Variants in ACMSD observed in about 807,000 individuals in gnomAD.
ACMSD encodes the protein 2-amino-3-carboxymuconate-6-semialdehyde decarboxylase.
Under a neutral mutation model 45.9 loss-of-function variants are expected in ACMSD, and 37 were observed. The ratio of observed to expected loss-of-function variants is 0.81; its 90% CI spans 0.62 to 1.06. The LOEUF (loss-of-function observed/expected upper bound fraction) is 1.06. Among genes scored for constraint, ACMSD ranks in the 50% least tolerant of loss-of-function variants. The probability of loss-of-function intolerance (pLI) is 0.00; values close to 1 mark genes in which losing one functional copy is unlikely to be tolerated. For missense variants in ACMSD, 434 were observed against 420.9 expected, an observed-to-expected ratio of 1.03 and a Z score of -0.27; for synonymous variants, 138 against 148.8, an observed-to-expected ratio of 0.93 and a Z score of 0.53.
intron 3 of ACMSD, among the ~76,000 whole-genome samples, chr2:134,859,929 A>G (rs1687769270): frequency 6.6e-6 from 1 of 152,246 alleles, no homozygotes; most frequent in Non-Finnish European, 1.5e-5. Context: ...CTAAAAAGCT[A>G]TAAGAACATC....
chr2:134,850,998 T>C (rs1422636611), intron 2 of ACMSD, among the ~76,000 whole-genome samples: 1 of 152,214 alleles, frequency 6.6e-6, no homozygotes, highest in East Asian at 1.9e-4. Flanking sequence ...CATCCTTATA[T>C]CCATGTAAAC....
intron 7 of ACMSD, among the ~76,000 whole-genome samples, chr2:134,871,645 C>T (rs567950321): frequency 2.7e-5 from 4 of 149,826 alleles, no homozygotes; most frequent in Admixed American, 6.7e-5. Context: ...CTGCCTGGTC[C>T]CCATAGGTAG....
intron 6 of ACMSD, 71 bp downstream of exon 6, chr2:134,867,743 T>C (rs1688175673): frequency 4.8e-6 from 6 of 1,239,436 alleles, no homozygotes; most frequent in Non-Finnish European, 5.9e-6. Flanking sequence ...TGGAAACCTA[T>C]TATGTCAAAT....
chr2:134,852,259 G>C (rs975781930), intron 2 of ACMSD, among the ~76,000 whole-genome samples: 1 of 152,160 alleles, frequency 6.6e-6, no homozygotes, highest in African/African-American at 2.4e-5. Flanking sequence ...GTGGGGCAGT[G>C]GCAAGATCTG....
At chr2:134,844,346 T>C (rs897499567) in intron 1 of ACMSD, 5 of 152,206 alleles carry the variant, frequency 3.3e-5, no homozygotes, top group Non-Finnish European at 4.4e-5. Flanking sequence ...TTTACTCTCT[T>C]ATGTTTTCCA....
At chr2:134,880,476 T>C (rs1688977665) in intron 8 of ACMSD, among the ~76,000 whole-genome samples, 1 of 152,222 alleles carries the variant, frequency 6.6e-6, no homozygotes, top group Non-Finnish European at 1.5e-5. Context: ...CTGTCTTACA[T>C]ACCACCTCTT....
intron 8 of ACMSD, among the ~76,000 whole-genome samples, chr2:134,880,282 C>A (rs2104910473): frequency 6.6e-6 from 1 of 152,206 alleles, no homozygotes; most frequent in Middle Eastern, 3.4e-3. Flanking sequence ...CTAAGGATTT[C>A]TTTTTGTCCT....
chr2:134,883,114 T>A (rs1182024089), intron 8 of ACMSD, among the ~76,000 whole-genome samples: 1 of 152,188 alleles, frequency 6.6e-6, no homozygotes, highest in Admixed American at 6.5e-5. Flanking sequence ...AAAATGTCCA[T>A]CATTAGAATT....
At chr2:134,865,276 C>G (rs1175830317) in intron 5 of ACMSD, among the ~76,000 whole-genome samples, 1 of 152,222 alleles carries the variant, frequency 6.6e-6, no homozygotes, top group Non-Finnish European at 1.5e-5. Flanking sequence ...TTAGCTGATG[C>G]AGTGAATGTT....
At chr2:134,844,301 G>A (rs1360232923) in intron 1 of ACMSD, 1 of 152,132 alleles carries the variant, frequency 6.6e-6, no homozygotes. Context: ...TAATACACGG[G>A]AGACATTCTA....
intron 9 of ACMSD, among the ~76,000 whole-genome samples, chr2:134,899,606 C>A (rs1248550244): frequency 6.6e-6 from 1 of 151,888 alleles, no homozygotes; most frequent in Admixed American, 6.6e-5. Context: ...TTATTACATG[C>A]CTTTTATTGT....
At chr2:134,889,088 C>CCT (rs1289478889) in intron 8 of ACMSD, among the ~76,000 whole-genome samples, 1 of 152,096 alleles carries the variant, frequency 6.6e-6, no homozygotes, top group Non-Finnish European at 1.5e-5. Context: ...ACTTCATGTG[C>CCT]ATTCTAGGCT....
At chr2:134,852,147 G>A (rs987836678) in intron 2 of ACMSD, among the ~76,000 whole-genome samples, 1 of 152,226 alleles carries the variant, frequency 6.6e-6, no homozygotes, top group Non-Finnish European at 1.5e-5. Context: ...GGAAGTAACA[G>A]AGGTAGGCAG....
chr2:134,849,469 A>G (rs1687228724), intron 2 of ACMSD, among the ~76,000 whole-genome samples: 1 of 152,244 alleles, frequency 6.6e-6, no homozygotes, highest in African/African-American at 2.4e-5. Context: ...CAATTATGCA[A>G]AATAGGCTGG....
At chr2:134,881,416 C>T (rs1689031096) in intron 8 of ACMSD, among the ~76,000 whole-genome samples, 2 of 152,126 alleles carry the variant, frequency 1.3e-5, no homozygotes, top group African/African-American at 2.4e-5. Context: ...TCAGTTTTTA[C>T]AACAATAAGC....
chr2:134,890,949 T>C (rs557053238), intron 8 of ACMSD, among the ~76,000 whole-genome samples: 5 of 152,014 alleles, frequency 3.3e-5, no homozygotes, highest in Admixed American at 2.0e-4. Flanking sequence ...TAACTATTCA[T>C]GTTCTTTGCT....
chr2:134,897,582 T>G (rs557114916), intron 8 of ACMSD, among the ~76,000 whole-genome samples: 8 of 152,254 alleles, frequency 5.3e-5, no homozygotes, highest in Non-Finnish European at 1.5e-5. Context: ...ATTTTTATTT[T>G]ATTTTACTTT....
At chr2:134,859,659 T>C (rs1473946481) in intron 3 of ACMSD, 1 of 203,104 alleles carries the variant, frequency 4.9e-6, no homozygotes, top group Non-Finnish European at 9.8e-6. Flanking sequence ...TTACTTATTA[T>C]AAAATCAATT....
intron 1 of ACMSD, among the ~76,000 whole-genome samples, chr2:134,839,074 A>T (rs943152802): frequency 6.6e-6 from 1 of 152,222 alleles, no homozygotes; most frequent in Non-Finnish European, 1.5e-5. Flanking sequence ...CAACTACAGA[A>T]TTTAAAGTTA....
Sources: gnomAD v4.1 joint callset for allele counts (sites outside exome capture counted in the v4.1 genomes callset) on GRCh38, gnomAD v4.1.1 for gene constraint, MANE v1.5 for transcripts, NCBI Gene and HGNC (gene_info 2026-07-23, HGNC 2026-07-21) for gene names.